The following TMEM117 variants were observed in gnomAD, a reference collection of about 807,000 sequenced individuals.
TMEM117 encodes transmembrane protein 117.
A neutral mutation model predicts 52.4 loss-of-function variants in TMEM117; 27 were observed. The ratio of observed to expected loss-of-function variants is 0.51; its 90% CI spans 0.38 to 0.71. TMEM117 has a LOEUF of 0.71. Ranked by LOEUF, TMEM117 falls within the 30% of genes least tolerant of loss-of-function variation. The pLI, the probability that TMEM117 is intolerant of heterozygous loss-of-function variation, is 0.00. For missense variants in TMEM117, 556 were observed against 630.5 expected, an observed-to-expected ratio of 0.88 and a Z score of 1.26; for synonymous variants, 215 against 206.3, an observed-to-expected ratio of 1.04 and a Z score of -0.36.
At chr12:44,339,800 C>T (rs745372598) in intron 6 of TMEM117, among the ~76,000 whole-genome samples, 17 of 151,608 alleles carry the variant, frequency 1.1e-4, no homozygotes, top group Non-Finnish European at 2.1e-4. Context: ...TCAATATTAT[C>T]AATACTTTTA....
chr12:44,243,831 A>G (rs1214692188), intron 5 of TMEM117, among the ~76,000 whole-genome samples: 1 of 151,066 alleles, frequency 6.6e-6, no homozygotes, highest in Non-Finnish European at 1.5e-5. Flanking sequence ...CTACTTCTAT[A>G]CATTCAACTT....
intron 3 of TMEM117, among the ~76,000 whole-genome samples, chr12:43,948,368 T>G (rs889253006): frequency 6.6e-6 from 1 of 151,912 alleles, no homozygotes; most frequent in South Asian, 2.1e-4. Context: ...TGCAGTGGCA[T>G]GATCTCGGCT....
At chr12:43,924,872 C>G (rs950527322) in intron 2 of TMEM117, among the ~76,000 whole-genome samples, 1 of 152,120 alleles carries the variant, frequency 6.6e-6, no homozygotes, top group Non-Finnish European at 1.5e-5. Context: ...AGCAGGTTGG[C>G]TGGTTCTGGC....
intron 2 of TMEM117, among the ~76,000 whole-genome samples, chr12:43,848,786 T>G (rs983843835): frequency 1.3e-5 from 2 of 152,228 alleles, no homozygotes; most frequent in African/African-American, 4.8e-5. Flanking sequence ...ATTTGAGAAC[T>G]GATAAATGTC....
At chr12:44,255,959 A>G (rs1950255389) in intron 5 of TMEM117, among the ~76,000 whole-genome samples, 1 of 152,068 alleles carries the variant, frequency 6.6e-6, no homozygotes. Flanking sequence ...GCAAATTATT[A>G]ATAACCTGAC....
At chr12:43,805,785 A>G in the TMEM117 span, 3 of 1,354,630 alleles carry the variant, frequency 2.2e-6, no homozygotes, top group East Asian at 9.0e-5. Flanking sequence ...TTTTGTAATC[A>G]AAGTCCTGTA....
chr12:44,017,761 A>G (rs969321503), intron 3 of TMEM117, among the ~76,000 whole-genome samples: 8 of 152,214 alleles, frequency 5.3e-5, no homozygotes, highest in African/African-American at 1.9e-4. Flanking sequence ...ATGACATCAA[A>G]GGTAATGTTA....
Position 44,341,710 on chromosome 12 carries a change from A to T in TMEM117, c.769-34885A>T, listed in dbSNP as rs531288332. Among the ~76,000 whole-genome samples the T allele has an allele frequency of 3.3e-3, 499 of 152,250 alleles. 4 individuals carry two copies. Among genetic ancestry groups the T allele is most frequent in the African/African-American group, 0.012 (488 of 41,562 alleles). On this transcript the variant is annotated intron_variant, in intron 6 of 7. Coordinates refer to ENST00000266534, the MANE Select transcript of TMEM117 (RefSeq NM_032256.3). ...ATGGGAGAATTTGCAGTCACATCCG[A>T]TGACAAAGGATCCAAGCATTTGATT...
intron 5 of TMEM117, among the ~76,000 whole-genome samples, chr12:44,242,923 G>A (rs367729127): frequency 1.3e-5 from 2 of 151,482 alleles, no homozygotes; most frequent in East Asian, 1.9e-4. Flanking sequence ...TCGTGAGCAC[G>A]TGTTGTTTAC....
chr12:43,933,204 T>C (rs1944898909), intron 2 of TMEM117, among the ~76,000 whole-genome samples: 1 of 142,070 alleles, frequency 7.0e-6, no homozygotes, highest in African/African-American at 2.6e-5. Flanking sequence ...TAATATTAAC[T>C]TTTTTTTTTT....
chr12:44,138,555 T>C (rs754743579), intron 3 of TMEM117, among the ~76,000 whole-genome samples: 3 of 152,190 alleles, frequency 2.0e-5, no homozygotes. Flanking sequence ...TTCTTAGATA[T>C]GTCTTCCTTA....
chr12:44,180,958 C>T (rs1949189006), intron 4 of TMEM117, among the ~76,000 whole-genome samples: 1 of 152,070 alleles, frequency 6.6e-6, no homozygotes. Flanking sequence ...AACTAGTTTA[C>T]ATTCCCACCA....
At chr12:44,039,218 C>A (rs1486606285) in intron 3 of TMEM117, among the ~76,000 whole-genome samples, 1 of 152,102 alleles carries the variant, frequency 6.6e-6, no homozygotes, top group Non-Finnish European at 1.5e-5. Flanking sequence ...GTTATAATAG[C>A]CTTTCCCCAT....
chr12:43,973,971 G>T (rs907181052), intron 3 of TMEM117, among the ~76,000 whole-genome samples: 5 of 152,104 alleles, frequency 3.3e-5, no homozygotes, highest in African/African-American at 1.2e-4. Context: ...TGTCAGTTTA[G>T]ATTATGTTAA....
At chr12:44,250,205 AG>A (rs1950179918) in intron 5 of TMEM117, among the ~76,000 whole-genome samples, 2 of 152,078 alleles carry the variant, frequency 1.3e-5, no homozygotes, top group African/African-American at 4.8e-5. Context: ...TCTCAAAAGA[AG>A]ACATTTATGT....
chr12:44,243,161 T>C lies in TMEM117; in HGVS notation c.608+31774T>C, dbSNP rs148254059. ...TTATAGATGCTAGATATTATACCTT[T>C]GTCAAATGCCTAGTTCACAGATATT... On this transcript the variant is annotated intron_variant, in intron 5 of 7. Transcript: ENST00000266534. Among the ~76,000 whole-genome samples, 351 of 152,176 alleles carry C rather than the reference T, an allele frequency of 2.3e-3. 12 individuals are homozygous for C. In the East Asian group the frequency reaches 0.035, roughly 15 times the overall value.
At chr12:44,380,821 G>A (rs536840679) in intron 7 of TMEM117, among the ~76,000 whole-genome samples, 1 of 152,224 alleles carries the variant, frequency 6.6e-6, no homozygotes, top group Admixed American at 6.5e-5. Flanking sequence ...TTGAGAGGGT[G>A]CCCTCTTGCC....
chr12:43,967,187 C>T (rs1056089777), intron 3 of TMEM117, among the ~76,000 whole-genome samples: 5 of 150,638 alleles, frequency 3.3e-5, no homozygotes, highest in African/African-American at 1.2e-4. Flanking sequence ...AATGCGATGG[C>T]GCAGTCACAG....
At chr12:43,880,580 G>A (rs983764205) in intron 2 of TMEM117, among the ~76,000 whole-genome samples, 1 of 152,192 alleles carries the variant, frequency 6.6e-6, no homozygotes, top group African/African-American at 2.4e-5. Context: ...GTTTTGCCCA[G>A]CATCAATTAA....
Sources: gnomAD v4.1 joint callset for allele counts (sites outside exome capture counted in the v4.1 genomes callset) on GRCh38, gnomAD v4.1.1 for gene constraint, MANE v1.5 for transcripts, NCBI Gene and HGNC (gene_info 2026-07-23, HGNC 2026-07-21) for gene names.